PDE4D: variants seen among roughly 807,000 people sequenced by gnomAD.
PDE4D encodes phosphodiesterase 4D.
A neutral mutation model predicts 87.4 loss-of-function variants in PDE4D; 24 were observed. The observed-to-expected ratio is 0.27, with a 90% CI of 0.20 to 0.39. The LOEUF is 0.39. PDE4D is among the 10% of genes least tolerant of loss of function. The pLI is 1.00. For missense variants in PDE4D, 714 were observed against 1,041.0 expected (o/e 0.69, Z 4.32); for synonymous variants, 384 against 383.2 (o/e 1.00, Z -0.02).
chr5:59,693,744 T>G (rs1351126132), intron 1 of PDE4D, among the ~76,000 whole-genome samples: 3 of 152,182 alleles, frequency 2.0e-5, no homozygotes, highest in African/African-American at 7.2e-5. Flanking sequence ...CTGAAAAGTA[T>G]TTTTTAATCT....
intron 5 of PDE4D, among the ~76,000 whole-genome samples, chr5:59,153,183 T>C (rs533448442): frequency 3.3e-5 from 5 of 152,258 alleles, no homozygotes; most frequent in African/African-American, 1.2e-4. Context: ...GACTCCCTAG[T>C]GTTTCCATGA....
chr5:60,139,507 T>G (rs1245823238), intron 2 of PDE4D, among the ~76,000 whole-genome samples: 1 of 152,060 alleles, frequency 6.6e-6, no homozygotes, highest in Non-Finnish European at 1.5e-5. Context: ...TGCCATTGAC[T>G]TCTACAAAAT....
At chr5:60,426,583 T>C (rs1743739565) in intron 1 of PDE4D, among the ~76,000 whole-genome samples, 1 of 152,030 alleles carries the variant, frequency 6.6e-6, no homozygotes, top group South Asian at 2.1e-4. Context: ...CTAATGTAAA[T>C]GATGAGTTGA....
intron 1 of PDE4D, among the ~76,000 whole-genome samples, chr5:59,546,241 T>C (rs1041247999): frequency 6.6e-6 from 1 of 152,180 alleles, no homozygotes; most frequent in South Asian, 2.1e-4. Context: ...GTTTAGATTA[T>C]ATTTATCTTT....
At chr5:59,179,600 C>A in intron 5 of PDE4D, 1 of 405,698 alleles carries the variant, frequency 2.5e-6, no homozygotes. Context: ...ATTCCAGAAT[C>A]AACTCTAATG....
intron 5 of PDE4D, among the ~76,000 whole-genome samples, chr5:59,055,359 T>C (rs980438330): frequency 1.3e-5 from 2 of 152,178 alleles, no homozygotes; most frequent in African/African-American, 4.8e-5. Flanking sequence ...CAAGAACTTA[T>C]ACTGGATTTT....
intron 1 of PDE4D, among the ~76,000 whole-genome samples, chr5:59,724,195 T>C (rs1271794025): frequency 6.6e-6 from 1 of 152,058 alleles, no homozygotes; most frequent in Non-Finnish European, 1.5e-5. Context: ...GGTATTACAA[T>C]AACCTAGGTA....
intron 1 of PDE4D, among the ~76,000 whole-genome samples, chr5:60,384,604 T>A (rs1762079643): frequency 1.3e-5 from 2 of 152,198 alleles, no homozygotes; most frequent in African/African-American, 4.8e-5. Context: ...CCTTGCCTGG[T>A]GCTACAGATC....
chr5:59,441,881 G>A (rs1824154), intron 1 of PDE4D, among the ~76,000 whole-genome samples: 28,792 of 152,020 alleles, frequency 0.19, 4,692 homozygotes, highest in African/African-American at 0.44. Flanking sequence ...TGGATGAACG[G>A]TCTTCCATCC....
chr5:59,523,680 C>G (rs1342383152), intron 1 of PDE4D, among the ~76,000 whole-genome samples: 1 of 152,198 alleles, frequency 6.6e-6, no homozygotes, highest in South Asian at 2.1e-4. Context: ...TTTGTCAAAG[C>G]AAACTCTTTG....
At chr5:60,253,446 C>CT (rs1423882118) in intron 1 of PDE4D, among the ~76,000 whole-genome samples, 2 of 151,848 alleles carry the variant, frequency 1.3e-5, no homozygotes, top group African/African-American at 4.8e-5. Context: ...CTTCTCTTGA[C>CT]TGGCCCTAAA....
At chr5:60,006,289 A>G (rs1764467925) in intron 2 of PDE4D, among the ~76,000 whole-genome samples, 1 of 147,584 alleles carries the variant, frequency 6.8e-6, no homozygotes, top group Admixed American at 6.7e-5. Flanking sequence ...AAAAAAACAC[A>G]ATTACTTTCG....
At chr5:59,861,037 T>TA (rs1195462914) in intron 1 of PDE4D, among the ~76,000 whole-genome samples, 2 of 150,528 alleles carry the variant, frequency 1.3e-5, no homozygotes, top group African/African-American at 4.9e-5. Context: ...TTTTTTTTTT[T>TA]TTTTTGTATT....
intron 1 of PDE4D, among the ~76,000 whole-genome samples, chr5:59,783,723 T>C (rs13179363): frequency 6.6e-6 from 1 of 152,250 alleles, no homozygotes; most frequent in Non-Finnish European, 1.5e-5. Flanking sequence ...TATTTATCTG[T>C]GTTTAATTGA....
chr5:60,117,467 T>C (rs1242768338), intron 2 of PDE4D, among the ~76,000 whole-genome samples: 2 of 152,138 alleles, frequency 1.3e-5, no homozygotes, highest in Non-Finnish European at 2.9e-5. Context: ...CAACATTTTA[T>C]AAATCAGCTC....
intron 5 of PDE4D, among the ~76,000 whole-genome samples, chr5:59,122,560 T>C (rs13174180): frequency 0.13 from 19,814 of 152,176 alleles, 1,366 homozygotes; most frequent in African/African-American, 0.16. Context: ...GCATGATAAA[T>C]ACTTGAGGTG....
chr5:59,401,443 ACTATCTATCTATCTAT>A (rs10705466), intron 1 of PDE4D, among the ~76,000 whole-genome samples: 8 of 127,468 alleles, frequency 6.3e-5, no homozygotes, highest in South Asian at 2.6e-4. Flanking sequence ...TATATTAGAG[ACTATCTATCTATCTAT>A]CTATCTATCT....
chr5:58,982,839 T>G (rs1745543770), intron 11 of PDE4D, among the ~76,000 whole-genome samples: 1 of 152,196 alleles, frequency 6.6e-6, no homozygotes, highest in African/African-American at 2.4e-5. Flanking sequence ...TTGACTAGTA[T>G]CTACAGAATG....
intron 5 of PDE4D, among the ~76,000 whole-genome samples, chr5:59,174,741 A>T (rs1026580285): frequency 2.0e-5 from 3 of 152,194 alleles, no homozygotes; most frequent in African/African-American, 7.2e-5. Flanking sequence ...GGCCACCCGA[A>T]TCTAATGGTT....
Sources: gnomAD v4.1 joint callset for allele counts (sites outside exome capture counted in the v4.1 genomes callset) on GRCh38, gnomAD v4.1.1 for gene constraint, MANE v1.5 for transcripts, NCBI Gene and HGNC (gene_info 2026-07-23, HGNC 2026-07-21) for gene names.